The following MCM8 variants were observed in gnomAD, a reference collection of about 807,000 sequenced individuals.
MCM8 encodes minichromosome maintenance 8 homologous recombination repair factor.
MCM8 carries 85 observed loss-of-function variants against 98.9 expected under a neutral mutation model. The observed-to-expected ratio is 0.86, with a 90% CI of 0.72 to 1.03. The LOEUF (loss-of-function observed/expected upper bound fraction) is 1.03, where lower values mean the gene tolerates loss of function less well. Ranked by LOEUF, MCM8 falls within the 50% of genes least tolerant of loss-of-function variation. The pLI, the probability that MCM8 is intolerant of heterozygous loss-of-function variation, is 0.00. For synonymous variants in MCM8, 352 were observed against 338.6 expected (o/e 1.04, Z -0.44); for missense variants, 951 against 997.8 (o/e 0.95, Z 0.63).
At chr20:5,993,443 C>A in intron 17 of MCM8, 63 bp from the exon 18 acceptor site, 1 of 1,339,148 alleles carries the variant, frequency 7.5e-7, no homozygotes, top group Non-Finnish European at 9.9e-7. Context: ...AACCTGAAAG[C>A]CCAGGACAAC....
At chr20:5,965,797 T>G (rs2089263400) in intron 8 of MCM8, among the ~76,000 whole-genome samples, 2 of 152,030 alleles carry the variant, frequency 1.3e-5, no homozygotes, top group Admixed American at 1.3e-4. Flanking sequence ...CCTGTACCAT[T>G]TCACCATAAT....
At chr20:5,956,489 G>C (rs1470236468) in intron 5 of MCM8, among the ~76,000 whole-genome samples, 1 of 152,162 alleles carries the variant, frequency 6.6e-6, no homozygotes, top group Non-Finnish European at 1.5e-5. Context: ...GCAATGGTGT[G>C]ATCTTGCCTC....
At chr20:5,990,623 A>G (rs765827922) in intron 17 of MCM8, among the ~76,000 whole-genome samples, 2 of 152,138 alleles carry the variant, frequency 1.3e-5, no homozygotes, top group Non-Finnish European at 2.9e-5. Context: ...ATGGCCACAA[A>G]ATCTAGTTGT....
chr20:5,984,753 T>C, intron 14 of MCM8, 28 bp from the exon 15 acceptor site: 1 of 1,545,084 alleles, frequency 6.5e-7, no homozygotes, highest in Non-Finnish European at 8.9e-7. Context: ...TTCCAATCAT[T>C]GTTTCTTCTT....
chr20:5,954,506 GA>G, intron 3 of MCM8, 101 bp from the exon 4 acceptor site: 3 of 545,462 alleles, frequency 5.5e-6, no homozygotes, highest in Middle Eastern at 4.7e-4. Context: ...AAAGCAATTA[GA>G]AAAAAATCAT....
intron 15 of MCM8, 85 bp downstream of exon 15, chr20:5,985,085 A>T (rs236107): frequency 0.15 from 159,516 of 1,072,712 alleles, 15,720 homozygotes; most frequent in African/African-American, 0.44. Context: ...GCAGTAGGAT[A>T]CAAACTTTTT....
intron 11 of MCM8, 28 bp from the exon 12 acceptor site, chr20:5,973,028 T>C (rs372501236): frequency 6.2e-6 from 10 of 1,611,056 alleles, no homozygotes; most frequent in Admixed American, 1.7e-5. Context: ...TCCTTACTTC[T>C]GTTTTTTGTT....
At chr20:5,964,160 A>AT (rs1345852012) in intron 8 of MCM8, among the ~76,000 whole-genome samples, 1 of 110,866 alleles carries the variant, frequency 9.0e-6, no homozygotes, top group East Asian at 2.5e-4. Flanking sequence ...TTCTTTGTGT[A>AT]TGTGTTTTTC....
chr20:5,993,249 A>G (rs1401084044), intron 17 of MCM8, among the ~76,000 whole-genome samples: 1 of 152,140 alleles, frequency 6.6e-6, no homozygotes, highest in Non-Finnish European at 1.5e-5. Context: ...GTAGTTTATC[A>G]ATTTTGTGTT....
intron 17 of MCM8, among the ~76,000 whole-genome samples, chr20:5,989,120 C>CTTTTTTTTTTT (rs1172678780): frequency 0.019 from 2,299 of 120,106 alleles, 321 homozygotes; most frequent in African/African-American, 0.071. Context: ...TAGCGCAAGT[C>CTTTTTTTTTTT]TTTTTTTTTT....
rs1191471830 is a variant in MCM8, at chr20:5,961,777, T to C, written c.790-1497T>C. 3.3e-5 allele frequency among the ~76,000 whole-genome samples: 5 copies of C among 152,334 alleles called. No individual in the cohort carries two copies. The East Asian group carries it at 7.7e-4, about 24-fold the overall frequency. ...ACAGTATTTGTTCAGGGTATTTTCATGCCCCCTAATAAATTAGGTAGTAGC... is the reference window on the plus strand; with the variant it reads ...ACAGTATTTGTTCAGGGTATTTTCACGCCCCCTAATAAATTAGGTAGTAGC... On this transcript the variant is annotated intron_variant, in intron 7 of 18. Transcript: ENST00000610722.
intron 6 of MCM8, among the ~76,000 whole-genome samples, chr20:5,958,238 A>ACACACCTGTGGTGGCG (rs1258227906): frequency 1.3e-5 from 2 of 152,116 alleles, no homozygotes; most frequent in African/African-American, 4.8e-5. Context: ...GTGTGGTGGC[A>ACACACCTGTGGTGGCG]CACACCTGTA....
chr20:5,959,940 G>A (rs1207084606), intron 7 of MCM8, among the ~76,000 whole-genome samples: 2 of 151,916 alleles, frequency 1.3e-5, no homozygotes, highest in Non-Finnish European at 2.9e-5. Context: ...CTGGTGATCC[G>A]CCTGCCTCAG....
At chr20:5,959,458 C>T (rs55857414) in intron 7 of MCM8, among the ~76,000 whole-genome samples, 3,701 of 152,156 alleles carry the variant, frequency 0.024, 135 homozygotes, top group African/African-American at 0.077. Context: ...GAATGTAACA[C>T]GCAGCTGTTT....
Position 5,955,583 on chromosome 20 carries a change from G to A in MCM8, c.486+332G>A, listed in dbSNP as rs115617569. Among the ~76,000 whole-genome samples, 1,357 of 152,224 alleles carry A rather than the reference G, an allele frequency of 8.9e-3. 15 individuals are homozygous for A. Among genetic ancestry groups the A allele is most frequent in the African/African-American group, 0.029 (1,184 of 41,522 alleles). On this transcript the variant is annotated intron_variant, in intron 5 of 18. Coordinates refer to ENST00000610722, the MANE Select transcript of MCM8 (RefSeq NM_032485.6). ...TAGGGAAGATAAAACAAGGAATCAT[G>A]GTGTTATCGGTTATGAACTTAGAGC...
At chr20:5,959,537 G>A (rs2089081458) in intron 7 of MCM8, among the ~76,000 whole-genome samples, 1 of 152,036 alleles carries the variant, frequency 6.6e-6, no homozygotes, top group Non-Finnish European at 1.5e-5. Flanking sequence ...TTACTATTGT[G>A]GAGTGTTGCT....
chr20:5,988,597 T>C (rs1455451722), intron 17 of MCM8, among the ~76,000 whole-genome samples: 1 of 152,238 alleles, frequency 6.6e-6, no homozygotes, highest in East Asian at 1.9e-4. Context: ...TTTTCCCCTT[T>C]GTAGACAAAT....
intron 13 of MCM8, among the ~76,000 whole-genome samples, chr20:5,978,732 ATTT>A (rs2089567895): frequency 6.6e-6 from 1 of 151,948 alleles, no homozygotes; most frequent in Non-Finnish European, 1.5e-5. Context: ...TAATTTTTGT[ATTT>A]TTAGTAGAGA....
chr20:5,983,994 G>A (rs1293780849), intron 14 of MCM8, among the ~76,000 whole-genome samples: 1 of 152,126 alleles, frequency 6.6e-6, no homozygotes, highest in Non-Finnish European at 1.5e-5. Flanking sequence ...TGTCTGTGCT[G>A]TACTATTAAG....
Sources: gnomAD v4.1 joint callset for allele counts (sites outside exome capture counted in the v4.1 genomes callset) on GRCh38, gnomAD v4.1.1 for gene constraint, MANE v1.5 for transcripts, NCBI Gene and HGNC (gene_info 2026-07-23, HGNC 2026-07-21) for gene names.